Variants in CGREF1 observed in about 807,000 individuals in gnomAD.
CGREF1 encodes the protein cell growth regulator with EF hand domain protein 1.
A neutral mutation model predicts 17.4 loss-of-function variants in CGREF1; 16 were observed. That is an observed-to-expected ratio of 0.92 (90% CI 0.62 to 1.40). The LOEUF is 1.40. CGREF1 is among the 40% of genes most tolerant of loss of function. The pLI, the probability that CGREF1 is intolerant of heterozygous loss-of-function variation, is 0.00. For synonymous variants in CGREF1, 142 were observed against 154.6 expected, an observed-to-expected ratio of 0.92 and a Z score of 0.61; for missense variants, 296 against 376.4, an observed-to-expected ratio of 0.79 and a Z score of 1.77.
In CGREF1 at chr2:27,101,071, G is replaced by A. The variant is rs78496618; in HGVS notation, c.*203C>T. Reference sequence around the variant, plus strand: ...AGGCTGGACGGGTAGAGAGGTGGCCGGGGGGATGAATTCATTCAGTTCTTT... The same window carrying A: ...AGGCTGGACGGGTAGAGAGGTGGCCAGGGGGATGAATTCATTCAGTTCTTT... On this transcript the variant is annotated 3_prime_UTR_variant, in exon 6 of 6. Transcript: ENST00000402394. The A allele has an allele frequency of 6.3e-5, 64 of 1,020,454 alleles. No individual in the cohort carries two copies. The highest frequency in any genetic ancestry group is 7.9e-5 in the Non-Finnish European group (62 of 787,974). 63.2% of individuals were successfully genotyped at this position (1,020,454 alleles called of 1,614,324 possible).
chr2:27,099,478 A>G (rs1490275819), downstream of CGREF1: 14 of 1,614,136 alleles, frequency 8.7e-6, no homozygotes, highest in Non-Finnish European at 1.2e-5. Flanking sequence ...CCCTGATGGC[A>G]AATTGCTCCA....
At chr2:27,106,679 T>C (rs1349041034) in intron 1 of CGREF1, among the ~76,000 whole-genome samples, 1 of 152,166 alleles carries the variant, frequency 6.6e-6, no homozygotes, top group African/African-American at 2.4e-5. Flanking sequence ...TGCTGTGGCA[T>C]GATATCAGCT....
Position 27,118,939 on chromosome 2 carries a change from C to A in CGREF1, c.-105G>T. 6.6e-6 allele frequency: 1 copy of A among 152,348 alleles called. No homozygotes were observed. The highest frequency in any genetic ancestry group is 1.8e-4 in the South Asian group (1 of 5,438). 9.4% of individuals were successfully genotyped at this position (152,348 alleles called of 1,614,324 possible). A position where few individuals can be genotyped will look rare whatever the true frequency, so the allele number is the denominator to read the frequency against. ...CCTCGCCTCCCGCCGCCAGCCTCCCCCGGGCCGCTCCACGTGGCCGCTCCA... is the reference window on the plus strand; with the variant it reads ...CCTCGCCTCCCGCCGCCAGCCTCCCACGGGCCGCTCCACGTGGCCGCTCCA... On this transcript the variant is annotated 5_prime_UTR_variant, in exon 1 of 6. Transcript: ENST00000402394.
intron 1 of CGREF1, 138 bp from the exon 2 acceptor site, chr2:27,104,515 G>T (rs776015893): frequency 2.3e-5 from 35 of 1,551,146 alleles, no homozygotes; most frequent in Non-Finnish European, 3.0e-5. Flanking sequence ...GCTCAGGGAG[G>T]ACTCACAGAC....
At chr2:27,105,793 C>T (rs1322623438) in intron 1 of CGREF1, among the ~76,000 whole-genome samples, 4 of 152,180 alleles carry the variant, frequency 2.6e-5, no homozygotes, top group Admixed American at 1.3e-4. Context: ...GTGATCTGCC[C>T]GCCTGGGCCT....
At chr2:27,104,813 T>A in intron 1 of CGREF1, 1 of 1,450,162 alleles carries the variant, frequency 6.9e-7, no homozygotes. Flanking sequence ...GACCAAGACT[T>A]AAACACAGGC....
chr2:27,103,259 C>T (rs79330403), intron 2 of CGREF1, among the ~76,000 whole-genome samples: 5,530 of 152,252 alleles, frequency 0.036, 331 homozygotes, highest in African/African-American at 0.13. Flanking sequence ...TGGCTGTTTC[C>T]CCTTCTACCC....
At chr2:27,105,137 G>C (rs1671067366) in intron 1 of CGREF1, among the ~76,000 whole-genome samples, 1 of 152,230 alleles carries the variant, frequency 6.6e-6, no homozygotes, top group Non-Finnish European at 1.5e-5. Flanking sequence ...AAAGCTTTCT[G>C]GTGAGTCCCA....
At chr2:27,114,743 C>G (rs1198235781) in intron 1 of CGREF1, among the ~76,000 whole-genome samples, 1 of 152,092 alleles carries the variant, frequency 6.6e-6, no homozygotes, top group Non-Finnish European at 1.5e-5. Context: ...GCCTCCAGCT[C>G]AAATCTTCCC....
At chr2:27,103,076 T>C (rs1670969837) in intron 2 of CGREF1, 5 of 985,296 alleles carry the variant, frequency 5.1e-6, no homozygotes, top group East Asian at 1.1e-4. Flanking sequence ...CTGTTGGTTC[T>C]GGGGTTTCAA....
downstream of CGREF1, chr2:27,099,656 C>A (rs773856508): frequency 1.2e-6 from 2 of 1,614,038 alleles, no homozygotes; most frequent in Non-Finnish European, 1.7e-6. Context: ...CTACTTGCCC[C>A]TCCTCCAGGG....
At chr2:27,100,330 T>G, downstream of CGREF1, 2 of 893,722 alleles carry the variant, frequency 2.2e-6, no homozygotes, top group South Asian at 1.4e-5. Context: ...CCCACCAGCC[T>G]GTGATTTGAT....
intron 1 of CGREF1, among the ~76,000 whole-genome samples, chr2:27,108,327 G>A (rs1671216872): frequency 6.6e-6 from 1 of 152,226 alleles, no homozygotes; most frequent in African/African-American, 2.4e-5. Flanking sequence ...CAACTGATAT[G>A]AGAGTTAATG....
At chr2:27,109,881 G>A (rs1336543279) in intron 1 of CGREF1, among the ~76,000 whole-genome samples, 2 of 39,478 alleles carry the variant, frequency 5.1e-5, no homozygotes, top group Non-Finnish European at 8.7e-5. Context: ...GGAAGACTCC[G>A]TCTCAAAAAA....
intron 1 of CGREF1, 25 bp from the exon 2 acceptor site, chr2:27,104,402 G>A: frequency 6.2e-7 from 1 of 1,612,418 alleles, no homozygotes. Flanking sequence ...AGAATCAGGG[G>A]TCGGGGGAAA....
At chr2:27,103,019 C>T in intron 2 of CGREF1, 1 of 985,344 alleles carries the variant, frequency 1.0e-6, no homozygotes, top group Non-Finnish European at 1.2e-6. Flanking sequence ...ACCCAGTTTG[C>T]TCCATGACAT....
At chr2:27,102,453 G>A (rs1362991096) in intron 3 of CGREF1, 23 bp from the exon 4 acceptor site, 1 of 1,613,640 alleles carries the variant, frequency 6.2e-7, no homozygotes, top group Admixed American at 1.7e-5. Flanking sequence ...TGGAGAATCA[G>A]CCCGGGAGAG....
chr2:27,116,574 A>ATT (rs113576578), intron 1 of CGREF1, among the ~76,000 whole-genome samples: 1 of 145,616 alleles, frequency 6.9e-6, no homozygotes, highest in Non-Finnish European at 1.5e-5. Context: ...TTTCAGTATA[A>ATT]TTTTTTTTTT....
In CGREF1 at chr2:27,101,843, C is replaced by CATTCAGGTCCTGGGTCTCG. The variant is rs1482253183; in HGVS notation, c.369_387dup (p.Gly130ArgfsTer15). 6.2e-7 allele frequency: 1 copy of CATTCAGGTCCTGGGTCTCG among 1,613,946 alleles called. No individual in the cohort carries two copies. Among genetic ancestry groups the CATTCAGGTCCTGGGTCTCG allele is most frequent in the Non-Finnish European group, 8.5e-7 (1 of 1,180,028 alleles). Reference sequence around the variant, plus strand: ...TCAGCAGGGGTCATGAGCCCATCCCCATTCAGGTCCTGGGTCTCGAGCACT... The same window carrying CATTCAGGTCCTGGGTCTCG: ...TCAGCAGGGGTCATGAGCCCATCCCCATTCAGGTCCTGGGTCTCGATTCAGGTCCTGGGTCTCGAGCACT... On this transcript the variant is annotated frameshift_variant, in exon 6 of 6. Coordinates refer to ENST00000402394, the MANE Select transcript of CGREF1 (RefSeq NM_006569.6). LOFTEE classifies it low-confidence loss of function (END_TRUNC).
Sources: gnomAD v4.1 joint callset for allele counts (sites outside exome capture counted in the v4.1 genomes callset) on GRCh38, gnomAD v4.1.1 for gene constraint, MANE v1.5 for transcripts, NCBI Gene and HGNC (gene_info 2026-07-23, HGNC 2026-07-21) for gene names.